CACNB4: variants seen among roughly 807,000 people sequenced by gnomAD.
The protein encoded by CACNB4 is voltage-dependent L-type calcium channel subunit beta-4.
A neutral mutation model predicts 71.2 loss-of-function variants in CACNB4; 32 were observed. That is an observed-to-expected ratio of 0.45 (90% confidence interval 0.34 to 0.60). CACNB4 has a LOEUF of 0.60. CACNB4 is among the 20% of genes least tolerant of loss of function. The pLI, the probability that CACNB4 is intolerant of heterozygous loss-of-function variation, is 0.01. For synonymous variants in CACNB4, 231 were observed against 236.9 expected (o/e 0.97, Z 0.23); for missense variants, 464 against 647.9 (o/e 0.72, Z 3.08).
chr2:152,044,661 C>T (rs1225336622), intron 2 of CACNB4, among the ~76,000 whole-genome samples: 2 of 152,190 alleles, frequency 1.3e-5, no homozygotes, highest in African/African-American at 2.4e-5. Context: ...ATAAAAACTA[C>T]TTAAAATGAA....
chr2:152,012,582 AGAC>A (rs1683119948), intron 2 of CACNB4, among the ~76,000 whole-genome samples: 1 of 149,796 alleles, frequency 6.7e-6, no homozygotes, highest in South Asian at 2.1e-4. Flanking sequence ...GCAGCCTGGA[AGAC>A]AGAGCGACGC....
At chr2:152,080,077 A>G (rs1687272099) in intron 2 of CACNB4, among the ~76,000 whole-genome samples, 1 of 152,192 alleles carries the variant, frequency 6.6e-6, no homozygotes, top group Non-Finnish European at 1.5e-5. Flanking sequence ...ATATGATAAG[A>G]AACAACTCTA....
chr2:151,903,930 C>A (rs1410642611), intron 2 of CACNB4, among the ~76,000 whole-genome samples: 1 of 151,990 alleles, frequency 6.6e-6, no homozygotes, highest in African/African-American at 2.4e-5. Context: ...TCTTTGTGTC[C>A]CCATTGTGGG....
At position 151,876,569 on chromosome 2, in the gene CACNB4, A is replaced by G; in HGVS notation, c.391-13T>C. The stretch of plus-strand genomic sequence containing the variant: ...CATTGTTATATTTCTGGAATTCAGA[A>G]ATAAAATTGCTATCAATAGTAATTC... On this transcript the variant is annotated splice_polypyrimidine_tract_variant and intron_variant, in intron 4 of 13. Transcript: ENST00000539935. 1 of 1,583,696 alleles carries G rather than the reference A, an allele frequency of 6.3e-7. No individual in the cohort carries two copies. The highest frequency in any genetic ancestry group is 8.6e-7 in the Non-Finnish European group (1 of 1,159,382).
chr2:151,882,414 C>T (rs2099848146), intron 3 of CACNB4, among the ~76,000 whole-genome samples: 1 of 151,964 alleles, frequency 6.6e-6, no homozygotes, highest in African/African-American at 2.4e-5. Context: ...TTTATTTGGG[C>T]TTCTGTTTTT....
intron 2 of CACNB4, among the ~76,000 whole-genome samples, chr2:151,945,937 T>C (rs1009288296): frequency 2.0e-5 from 3 of 151,610 alleles, no homozygotes; most frequent in African/African-American, 7.3e-5. Context: ...ACAAAGAAGT[T>C]AGAACAGCAC....
intron 2 of CACNB4, among the ~76,000 whole-genome samples, chr2:151,887,784 TC>T (rs1175079012): frequency 2.8e-4 from 42 of 152,324 alleles, no homozygotes; most frequent in African/African-American, 1.0e-3. Context: ...TTGTAGAGTT[TC>T]CTGGTGCTTG....
At chr2:152,057,430 T>A (rs543281318) in intron 2 of CACNB4, among the ~76,000 whole-genome samples, 1 of 152,278 alleles carries the variant, frequency 6.6e-6, no homozygotes, top group Admixed American at 6.5e-5. Flanking sequence ...AATTAAGGAA[T>A]ACAAAAACCT....
rs575787481 is a variant in CACNB4, at chr2:151,911,397, C to G, written c.148-28027G>C. ...CTTGTACCAGTTTTCAAAGGGAATA[C>G]TTCCAGCTTTTGTTCATTCAGTGTG... On this transcript the variant is annotated intron_variant, in intron 2 of 13. Transcript: ENST00000539935. Among the ~76,000 whole-genome samples the G allele has an allele frequency of 4.7e-4, 71 of 152,288 alleles. 1 individual carries two copies. The South Asian group carries it at 0.015, about 31-fold the overall frequency.
At chr2:151,846,364 TA>T (rs2099837567) in intron 12 of CACNB4, among the ~76,000 whole-genome samples, 1 of 152,198 alleles carries the variant, frequency 6.6e-6, no homozygotes, top group Non-Finnish European at 1.5e-5. Flanking sequence ...AGACACTGGG[TA>T]AGTCTTCCTT....
intron 2 of CACNB4, among the ~76,000 whole-genome samples, chr2:152,008,532 T>A (rs1682862763): frequency 6.6e-6 from 1 of 152,140 alleles, no homozygotes; most frequent in Non-Finnish European, 1.5e-5. Flanking sequence ...ACTCCTGGCC[T>A]CAAGTGATTC....
chr2:151,933,678 G>A (rs1233603880), intron 2 of CACNB4, among the ~76,000 whole-genome samples: 2 of 152,174 alleles, frequency 1.3e-5, no homozygotes, highest in East Asian at 1.9e-4. Context: ...GTGGTGCCAT[G>A]GTCAGTAAAG....
chr2:152,022,089 C>A (rs1049796795), intron 2 of CACNB4, among the ~76,000 whole-genome samples: 4 of 152,164 alleles, frequency 2.6e-5, no homozygotes, highest in Non-Finnish European at 5.9e-5. Flanking sequence ...TCAAGTAAGC[C>A]TTGGGGAAAC....
At chr2:152,047,407 T>C (rs567302245) in intron 2 of CACNB4, among the ~76,000 whole-genome samples, 29 of 152,336 alleles carry the variant, frequency 1.9e-4, no homozygotes, top group African/African-American at 6.7e-4. Flanking sequence ...GACCCCAAGT[T>C]TTCAGATGAA....
intron 2 of CACNB4, among the ~76,000 whole-genome samples, chr2:151,952,675 A>T (rs1260623789): frequency 6.6e-6 from 1 of 152,246 alleles, no homozygotes; most frequent in Non-Finnish European, 1.5e-5. Context: ...CTGCCCCAGA[A>T]GGAAACAGGA....
At chr2:152,033,917 C>T (rs1307203770) in intron 2 of CACNB4, among the ~76,000 whole-genome samples, 1 of 152,180 alleles carries the variant, frequency 6.6e-6, no homozygotes, top group Non-Finnish European at 1.5e-5. Context: ...TCCTTATTAA[C>T]AAGATGCAGG....
chr2:151,977,451 A>G (rs1247753753), intron 2 of CACNB4, among the ~76,000 whole-genome samples: 2 of 152,180 alleles, frequency 1.3e-5, no homozygotes, highest in African/African-American at 4.8e-5. Context: ...CATTATTTTC[A>G]GTTCTTTTTC....
intron 2 of CACNB4, among the ~76,000 whole-genome samples, chr2:152,045,265 A>T (rs922142063): frequency 6.6e-6 from 1 of 152,214 alleles, no homozygotes. Flanking sequence ...AAAGGTAGAA[A>T]CAGTCCAAGT....
chr2:152,089,900 T>G (rs1687877203), intron 2 of CACNB4, among the ~76,000 whole-genome samples: 1 of 151,776 alleles, frequency 6.6e-6, no homozygotes, highest in Non-Finnish European at 1.5e-5. Flanking sequence ...CGACCCTGTC[T>G]CAAAAAGAAA....
Sources: allele counts gnomAD v4.1 joint callset (sites outside exome capture counted in the v4.1 genomes callset), GRCh38; gene constraint gnomAD v4.1.1; transcripts MANE v1.5; gene names NCBI Gene and HGNC (gene_info 2026-07-23, HGNC 2026-07-21).